INPP4A: variants seen among roughly 807,000 people sequenced by gnomAD.
The protein encoded by INPP4A is inositol polyphosphate-4-phosphatase, type I, 107kD.
Under a neutral mutation model 119.8 loss-of-function variants are expected in INPP4A, and 33 were observed. The observed-to-expected ratio is 0.28, with a 90% CI of 0.21 to 0.37. The LOEUF is 0.37. INPP4A is among the 10% of genes least tolerant of loss of function. The pLI is 1.00. For synonymous variants in INPP4A, 496 were observed against 500.7 expected (o/e 0.99, Z 0.12); for missense variants, 956 against 1,289.9 (o/e 0.74, Z 3.97).
rs1693014544 is a variant in INPP4A, at chr2:98,549,091, T to TA, written c.1163+2398dup. 4 of 808,264 alleles carry TA rather than the reference T, an allele frequency of 4.9e-6. No homozygotes were observed. The Admixed American group carries it at 8.1e-5, about 16-fold the overall frequency. The allele number at this position is 808,264 out of a possible 1,614,324, so 50.1% of individuals were successfully genotyped here. A position where few individuals can be genotyped will look rare whatever the true frequency, so the allele number is the denominator to read the frequency against. ...CTGCGGTGCTGCCATGGTTCCTAGT[T>TA]ATACACCTCATAAACAGTCCTCCCT... On this transcript the variant is annotated intron_variant, in intron 13 of 24. Transcript: ENST00000409851.
chr2:98,527,123 G>A (rs543996488), intron 4 of INPP4A, among the ~76,000 whole-genome samples: 49 of 152,080 alleles, frequency 3.2e-4, no homozygotes, highest in Non-Finnish European at 6.3e-4. Context: ...TGTTGCTATC[G>A]TCCTCTCTCT....
intron 4 of INPP4A, among the ~76,000 whole-genome samples, chr2:98,531,075 A>G (rs905449210): frequency 2.0e-5 from 3 of 152,210 alleles, no homozygotes; most frequent in South Asian, 4.1e-4. Context: ...AATCCCATTC[A>G]TGAAGACTCT....
intron 14 of INPP4A, among the ~76,000 whole-genome samples, chr2:98,553,245 T>C (rs962958968): frequency 6.6e-6 from 1 of 152,132 alleles, no homozygotes; most frequent in Admixed American, 6.5e-5. Flanking sequence ...GCTCATTTTG[T>C]TGAGGGTGAT....
In INPP4A at chr2:98,471,432, T is replaced by A. The variant is rs565447259; in HGVS notation, c.-166+26347T>A. Among the ~76,000 whole-genome samples, 23 of 152,362 alleles carry A rather than the reference T, an allele frequency of 1.5e-4. No homozygotes were observed. In the South Asian group the frequency reaches 4.8e-3, roughly 32 times the overall value. ...TATAGCAGGTGGGAGTATGGTTTTT[T>A]AACTTACACTTAAGGTTTCTGTGGT... is the stretch of plus-strand genomic sequence containing the variant. On this transcript the variant is annotated intron_variant, in intron 1 of 24. Transcript: ENST00000409851.
At chr2:98,587,330 G>A (rs1322880891) in intron 24 of INPP4A, 146 bp from the exon 25 acceptor site, 8 of 782,746 alleles carry the variant, frequency 1.0e-5, no homozygotes, top group African/African-American at 1.8e-5. Context: ...TCTTACATAT[G>A]TATTTGTTGT....
chr2:98,583,798 G>A (rs1699651379), intron 24 of INPP4A, among the ~76,000 whole-genome samples: 2 of 152,126 alleles, frequency 1.3e-5, no homozygotes, highest in Non-Finnish European at 2.9e-5. Flanking sequence ...ACCTTACCCC[G>A]GGCTTTTTCT....
chr2:98,589,320 T>G lies in INPP4A; in HGVS notation c.*1712T>G, dbSNP rs1700213741. On this transcript the variant is annotated 3_prime_UTR_variant, in exon 25 of 25. Transcript: ENST00000409851. ...GTTCACAGACAGTTTGTTTTCAATA[T>G]GGCTGATTTACCCTTTCACCTCTCC... The G allele has an allele frequency of 5.4e-6, 1 of 185,936 alleles. No homozygotes were observed. 11.5% of individuals were successfully genotyped at this position (185,936 alleles called of 1,614,324 possible).
chr2:98,563,377 G>A, intron 17 of INPP4A, 88 bp from the exon 18 acceptor site: 2 of 1,259,060 alleles, frequency 1.6e-6, no homozygotes, highest in East Asian at 2.5e-5. Context: ...GACTGCAGTG[G>A]TTAGGGGCCA....
chr2:98,547,083 G>A (rs915778720), intron 13 of INPP4A, among the ~76,000 whole-genome samples: 1 of 152,252 alleles, frequency 6.6e-6, no homozygotes, highest in Non-Finnish European at 1.5e-5. Flanking sequence ...AACATTCCCA[G>A]TTTTTGAAAC....
chr2:98,453,627 G>C (rs1695591528), intron 1 of INPP4A, among the ~76,000 whole-genome samples: 1 of 152,144 alleles, frequency 6.6e-6, no homozygotes, highest in African/African-American at 2.4e-5. Context: ...TGCGACCTGT[G>C]ACTTTTGTCA....
intron 1 of INPP4A, among the ~76,000 whole-genome samples, chr2:98,506,326 C>T (rs1282367162): frequency 6.6e-6 from 1 of 152,240 alleles, no homozygotes; most frequent in Non-Finnish European, 1.5e-5. Flanking sequence ...GCCTTTAGGT[C>T]CTACTTCTGC....
chr2:98,490,965 CATTTT>C (rs1558935888), intron 1 of INPP4A, among the ~76,000 whole-genome samples: 1 of 151,926 alleles, frequency 6.6e-6, no homozygotes, highest in Non-Finnish European at 1.5e-5. Context: ...TTAATGATAG[CATTTT>C]AATTTAAAAA....
chr2:98,475,048 ATT>A (rs747061141), intron 1 of INPP4A, among the ~76,000 whole-genome samples: 34 of 152,028 alleles, frequency 2.2e-4, no homozygotes, highest in Non-Finnish European at 4.7e-4. Context: ...GAGGGTATTT[ATT>A]TCTGTCTGGA....
At chr2:98,464,242 G>A (rs1674252752) in intron 1 of INPP4A, among the ~76,000 whole-genome samples, 1 of 152,060 alleles carries the variant, frequency 6.6e-6, no homozygotes, top group South Asian at 2.1e-4. Flanking sequence ...CAGAGGGGAG[G>A]GCAGGAGAGC....
intron 1 of INPP4A, among the ~76,000 whole-genome samples, chr2:98,451,628 A>T (rs1017977417): frequency 3.3e-5 from 5 of 151,990 alleles, no homozygotes; most frequent in African/African-American, 9.7e-5. Context: ...TGCCCCTCCC[A>T]TAGCCCTCAC....
At chr2:98,552,473 G>T (rs117742260) in intron 13 of INPP4A, 10 of 453,894 alleles carry the variant, frequency 2.2e-5, no homozygotes, top group South Asian at 1.6e-4. Flanking sequence ...GGAAGATTAC[G>T]ATCATTTGGG....
At chr2:98,458,007 T>C (rs1271304926) in intron 1 of INPP4A, among the ~76,000 whole-genome samples, 1 of 143,248 alleles carries the variant, frequency 7.0e-6, no homozygotes, top group African/African-American at 2.7e-5. Flanking sequence ...TTTGTTTAAA[T>C]GAGGTCTTGT....
chr2:98,449,747 A>G (rs1293931646), intron 1 of INPP4A, among the ~76,000 whole-genome samples: 2 of 152,198 alleles, frequency 1.3e-5, no homozygotes, highest in African/African-American at 2.4e-5. Flanking sequence ...ACATTACACA[A>G]AATTTTCTGT....
chr2:98,529,120 C>CA (rs1688721199), intron 4 of INPP4A, among the ~76,000 whole-genome samples: 1 of 150,472 alleles, frequency 6.6e-6, no homozygotes, highest in African/African-American at 2.4e-5. Context: ...AAATATCTTT[C>CA]AAAAATGAAT....
Sources: gnomAD v4.1 joint callset for allele counts (sites outside exome capture counted in the v4.1 genomes callset) on GRCh38, gnomAD v4.1.1 for gene constraint, MANE v1.5 for transcripts, NCBI Gene and HGNC (gene_info 2026-07-23, HGNC 2026-07-21) for gene names.